TSGA10: variants seen among roughly 807,000 people sequenced by gnomAD.
TSGA10 encodes testis specific 10.
TSGA10 carries 43 observed loss-of-function variants against 96.6 expected under a neutral mutation model. That is an observed-to-expected ratio of 0.44 (90% confidence interval 0.35 to 0.57). The LOEUF (loss-of-function observed/expected upper bound fraction) is 0.57. TSGA10 is among the 20% of genes least tolerant of loss of function. The pLI is 0.01. For missense variants in TSGA10, 703 were observed against 834.4 expected, an observed-to-expected ratio of 0.84 and a Z score of 1.94; for synonymous variants, 229 against 269.9, an observed-to-expected ratio of 0.85 and a Z score of 1.48.
At chr2:99,077,868 C>T (rs551140764) in intron 12 of TSGA10, among the ~76,000 whole-genome samples, 4 of 152,070 alleles carry the variant, frequency 2.6e-5, no homozygotes, top group East Asian at 2.0e-4. Context: ...GGCCTGCACG[C>T]GGCCGGCAAC....
At chr2:99,110,302 A>C (rs1034823660) in intron 5 of TSGA10, among the ~76,000 whole-genome samples, 2 of 152,212 alleles carry the variant, frequency 1.3e-5, no homozygotes, top group Non-Finnish European at 2.9e-5. Flanking sequence ...ATTTGCATTC[A>C]CTTTCATATA....
At chr2:99,045,778 C>T (rs972972053) in intron 16 of TSGA10, among the ~76,000 whole-genome samples, 9 of 152,166 alleles carry the variant, frequency 5.9e-5, no homozygotes, top group Admixed American at 5.9e-4. Context: ...AATTAAAAGA[C>T]ACAGACTGGC....
At chr2:99,054,574 T>G (rs1425193155) in intron 16 of TSGA10, among the ~76,000 whole-genome samples, 2 of 152,108 alleles carry the variant, frequency 1.3e-5, no homozygotes, top group Non-Finnish European at 2.9e-5. Context: ...AGAGAAAATC[T>G]ACAAAATGGG....
intron 1 of TSGA10, among the ~76,000 whole-genome samples, chr2:99,129,026 C>T (rs1483682118): frequency 6.6e-6 from 1 of 152,146 alleles, no homozygotes; most frequent in African/African-American, 2.4e-5. Context: ...CAGGCATGAG[C>T]CACTGCACCC....
chr2:99,028,575 C>T (rs367799051), intron 17 of TSGA10, among the ~76,000 whole-genome samples: 61 of 152,230 alleles, frequency 4.0e-4, no homozygotes, highest in Middle Eastern at 6.8e-3. Flanking sequence ...CACCTTGTAA[C>T]TGAAAATTTG....
At chr2:99,083,704 A>G (rs1395071317) in intron 10 of TSGA10, among the ~76,000 whole-genome samples, 2 of 152,208 alleles carry the variant, frequency 1.3e-5, no homozygotes, top group East Asian at 3.8e-4. Flanking sequence ...TGAGTTTTCA[A>G]GCGAATCTTG....
At chr2:99,078,965 AT>A (rs1211069262) in intron 11 of TSGA10, 152 bp from the exon 12 acceptor site, 31 of 598,148 alleles carry the variant, frequency 5.2e-5, no homozygotes, top group Admixed American at 4.6e-4. Flanking sequence ...AATTAAAAAA[AT>A]TTTTTTGGTT....
At chr2:99,001,821 G>A (rs1035610315) in intron 20 of TSGA10, among the ~76,000 whole-genome samples, 7 of 152,208 alleles carry the variant, frequency 4.6e-5, no homozygotes, top group Admixed American at 2.6e-4. Flanking sequence ...ACCATGGCGC[G>A]AAAACTACAT....
At position 99,001,800 on chromosome 2, in the gene TSGA10, C is replaced by A. The variant is rs1179611576; in HGVS notation, c.2073-3579G>T. Among the ~76,000 whole-genome samples the A allele has an allele frequency of 2.6e-5, 4 of 152,052 alleles. No homozygotes were observed. In the South Asian group the frequency reaches 6.2e-4, roughly 24 times the overall value. On this transcript the variant is annotated intron_variant, in intron 20 of 20. Transcript: ENST00000393483. ...ATAGAGAAGACCTTAAATGACCTGA[C>A]GGAGCTAAAAACCATGGCGCGAAAA... is the stretch of plus-strand genomic sequence containing the variant.
chr2:99,141,156 T>G (rs1057124477), intron 1 of TSGA10: 4 of 1,266,316 alleles, frequency 3.2e-6, no homozygotes, highest in Non-Finnish European at 4.1e-6. Context: ...GACTGTCAGC[T>G]CTCGGCCTCA....
chr2:99,014,855 T>C (rs1299936648), intron 20 of TSGA10, among the ~76,000 whole-genome samples: 3 of 152,180 alleles, frequency 2.0e-5, no homozygotes, highest in Non-Finnish European at 2.9e-5. Context: ...GAGGCTACTA[T>C]GAACACCTTT....
intron 15 of TSGA10, among the ~76,000 whole-genome samples, chr2:99,066,365 C>T (rs907128516): frequency 1.3e-5 from 2 of 152,164 alleles, no homozygotes; most frequent in Non-Finnish European, 2.9e-5. Context: ...AGAGTATGTA[C>T]TTGGAGGGTG....
chr2:99,137,117 C>G (rs1016512699), intron 1 of TSGA10, among the ~76,000 whole-genome samples: 2 of 151,668 alleles, frequency 1.3e-5, no homozygotes, highest in Non-Finnish European at 2.9e-5. Context: ...CCTGCCTCAG[C>G]CTCCCAAGTA....
At chr2:99,050,300 A>G (rs549838553) in intron 16 of TSGA10, among the ~76,000 whole-genome samples, 1 of 152,322 alleles carries the variant, frequency 6.6e-6, no homozygotes, top group East Asian at 1.9e-4. Flanking sequence ...AGAAAATCCA[A>G]AATACTCCAA....
At position 99,018,648 on chromosome 2, in the gene TSGA10, AAAG is replaced by A; in HGVS notation, c.1818-11_1818-9del. The stretch of plus-strand genomic sequence containing the variant: ...TCTCTACTCTGGATGGCCCTGTTTA[AAAG>A]AAGATAAGAGTTATAGTTGACTAAA... On this transcript the variant is annotated splice_polypyrimidine_tract_variant and intron_variant, in intron 18 of 20. Coordinates refer to ENST00000393483, the MANE Select transcript of TSGA10 (RefSeq NM_025244.4). 5.6e-6 allele frequency: 9 copies of A among 1,605,928 alleles called. No homozygotes were observed. The highest frequency in any genetic ancestry group is 7.6e-6 in the Non-Finnish European group (9 of 1,176,846).
At chr2:99,056,204 CA>C (rs60861065) in intron 16 of TSGA10, among the ~76,000 whole-genome samples, 64,462 of 143,874 alleles carry the variant, frequency 0.45, 16,349 homozygotes, top group African/African-American at 0.72. Context: ...GACTTCGTCT[CA>C]AAAAAAAAAA....
chr2:99,125,841 C>T (rs2092795468), intron 2 of TSGA10: 1 of 152,196 alleles, frequency 6.6e-6, no homozygotes, highest in Non-Finnish European at 1.5e-5. Flanking sequence ...GGGAAGAATC[C>T]CAGAGGTGCC....
intron 20 of TSGA10, among the ~76,000 whole-genome samples, chr2:99,001,340 G>A (rs926996677): frequency 3.3e-5 from 5 of 152,178 alleles, no homozygotes; most frequent in South Asian, 2.1e-4. Flanking sequence ...GAGGCAAACA[G>A]GATCTGGAGT....
chr2:99,114,212 G>A (rs899703091), intron 4 of TSGA10, among the ~76,000 whole-genome samples: 1 of 152,058 alleles, frequency 6.6e-6, no homozygotes, highest in African/African-American at 2.4e-5. Flanking sequence ...CTCAGCAATC[G>A]AATTAGAAAT....
Sources: gnomAD v4.1 joint callset for allele counts (sites outside exome capture counted in the v4.1 genomes callset) on GRCh38, gnomAD v4.1.1 for gene constraint, MANE v1.5 for transcripts, NCBI Gene and HGNC (gene_info 2026-07-23, HGNC 2026-07-21) for gene names.